Variants in BCCIP observed in about 807,000 individuals in gnomAD.
BCCIP encodes BRCA2 and CDKN1A interacting protein.
BCCIP carries 23 observed loss-of-function variants against 32.8 expected under a neutral mutation model. That is an observed-to-expected ratio of 0.70 (90% CI 0.51 to 0.99). BCCIP has a LOEUF of 0.99. BCCIP is among the 50% of genes least tolerant of loss of function. The probability of loss-of-function intolerance (pLI) is 0.00; values close to 1 mark genes in which losing one functional copy is unlikely to be tolerated. For synonymous variants in BCCIP, 144 were observed against 137.6 expected, an observed-to-expected ratio of 1.05 and a Z score of -0.33; for missense variants, 378 against 379.8, an observed-to-expected ratio of 1.00 and a Z score of 0.04.
downstream of BCCIP, chr10:125,838,897 T>A (rs1854783091): frequency 1.6e-6 from 2 of 1,289,398 alleles, no homozygotes; most frequent in Admixed American, 4.7e-5. Context: ...GATTTTTAGT[T>A]TTACTTAATG....
chr10:125,826,431 T>C (rs1032127082), intron 1 of BCCIP, 160 bp from the exon 2 acceptor site: 1 of 1,103,190 alleles, frequency 9.1e-7, no homozygotes, highest in Non-Finnish European at 1.3e-6. Context: ...ACTAGGTTAC[T>C]CTGAGTGTTT....
At chr10:125,853,614 G>A (rs2134046531) in exon 8 of BCCIP, 1 of 228,188 alleles carries the variant, frequency 4.4e-6, no homozygotes, top group East Asian at 1.0e-4. Flanking sequence ...CATAAGAAGA[G>A]ATCAGTTTAA....
chr10:125,836,724 G>A (rs138878584), downstream of BCCIP: 63 of 1,614,162 alleles, frequency 3.9e-5, 1 homozygote, highest in African/African-American at 5.2e-4. Context: ...TTCAGGGCAC[G>A]TCTCACACAT....
chr10:125,852,995 GTTTC>G, intron 7 of BCCIP: 1 of 694,788 alleles, frequency 1.4e-6, no homozygotes, highest in Non-Finnish European at 2.5e-6. Context: ...ATAGTGCCAT[GTTTC>G]TTTATAGTTT....
At chr10:125,843,192 A>C (rs1236494947), downstream of BCCIP, among the ~76,000 whole-genome samples, 1 of 152,220 alleles carries the variant, frequency 6.6e-6, no homozygotes, top group East Asian at 1.9e-4. Flanking sequence ...AGTTCCAGTA[A>C]GTGCAAGGTG....
chr10:125,832,147 T>G (rs541495531), intron 5 of BCCIP, among the ~76,000 whole-genome samples: 12 of 152,320 alleles, frequency 7.9e-5, no homozygotes, highest in African/African-American at 2.6e-4. Flanking sequence ...TTGTCTGTGC[T>G]TTGCAACAGA....
downstream of BCCIP, chr10:125,840,739 T>C (rs933339988): frequency 5.5e-6 from 7 of 1,275,066 alleles, no homozygotes; most frequent in African/African-American, 1.5e-5. Context: ...TGCATTCAAG[T>C]GGCCAGTAGG....
downstream of BCCIP, among the ~76,000 whole-genome samples, chr10:125,845,685 C>A (rs1431101922): frequency 6.6e-6 from 1 of 152,208 alleles, no homozygotes; most frequent in Non-Finnish European, 1.5e-5. Context: ...GATAGAGTGG[C>A]CTCCATGGTA....
exon 7 of BCCIP, chr10:125,841,817 A>G (rs1328437960): frequency 6.2e-7 from 1 of 1,613,856 alleles, no homozygotes; most frequent in East Asian, 2.2e-5. Context: ...AGACTTCGAG[A>G]GTTGTGGATC....
Position 125,831,459 on chromosome 10 carries a change from C to A in BCCIP, c.451C>A (p.Arg151Ser), listed in dbSNP as rs145046178. The A allele has an allele frequency of 1.2e-6, 2 of 1,614,102 alleles. No individual in the cohort carries two copies. Among genetic ancestry groups the A allele is most frequent in the South Asian group, 2.2e-5 (2 of 91,084 alleles). The change falls in exon 5 of 7, where the codon CGC becomes AGC. Residue 151 changes from arginine to serine, a missense_variant. Transcript: ENST00000278100. ...TGAACAAATTCAAGAGTTGGTTCTA[C>A]GCTTCTGTGAGAAGAACTGTGAAAA... Reference protein sequence around the residue: ...CVEQIQELVLRFCEKNCEKSM... With the variant: ...CVEQIQELVLSFCEKNCEKSM...
chr10:125,830,739 A>G (rs1157073171), intron 4 of BCCIP, 88 bp downstream of exon 4: 1 of 780,644 alleles, frequency 1.3e-6, no homozygotes, highest in African/African-American at 1.7e-5. Flanking sequence ...CTTTTATGTT[A>G]AACAGTGATA....
In BCCIP at chr10:125,831,487, G is replaced by A. The variant is rs1335944039; in HGVS notation, c.479G>A (p.Ser160Asn). ...TTCTGTGAGAAGAACTGTGAAAAGA[G>A]CATGGTTGAACAGCTGGACAAGTTT... Reference protein sequence around the residue: ...LRFCEKNCEKSMVEQLDKFLN... With the variant: ...LRFCEKNCEKNMVEQLDKFLN... Residue 160 changes from serine (S) to asparagine (N), a missense_variant, in exon 5 of 7, where the codon AGC becomes AAC. By Grantham distance (46) the Ser-to-Asn change is conservative (BLOSUM62 1). Coordinates refer to ENST00000278100, the MANE Select transcript of BCCIP (RefSeq NM_078468.3). 6 of 1,614,200 alleles carry A rather than the reference G, an allele frequency of 3.7e-6. No homozygotes were observed. The South Asian group carries it at 6.6e-5, about 18-fold the overall frequency.
intron 3 of BCCIP, 130 bp from the exon 4 acceptor site, chr10:125,830,432 T>C: frequency 2.0e-6 from 1 of 508,596 alleles, no homozygotes; most frequent in Non-Finnish European, 3.4e-6. Context: ...CTTTCTAAGA[T>C]GGCGGTGGTA....
At chr10:125,839,588 C>G (rs1307060991), downstream of BCCIP, among the ~76,000 whole-genome samples, 2 of 152,182 alleles carry the variant, frequency 1.3e-5, no homozygotes, top group African/African-American at 2.4e-5. Context: ...TCAAACTAGG[C>G]AGGAAAAAGC....
chr10:125,840,877 G>C, downstream of BCCIP: 3 of 1,604,738 alleles, frequency 1.9e-6, no homozygotes, highest in Non-Finnish European at 2.6e-6. Context: ...GTTGTGTCTT[G>C]GTAAGCCTTG....
Position 125,850,211 on chromosome 10 carries a change from C to G in BCCIP, c.851-2914C>G, listed in dbSNP as rs559235667. ...AGGCTGGTCTTGAATTCCTGGCCCTCAAGCAGTTCTCCCACCTCAGCCTCC... is the reference window on the plus strand; with the variant it reads ...AGGCTGGTCTTGAATTCCTGGCCCTGAAGCAGTTCTCCCACCTCAGCCTCC... On this transcript the variant is annotated intron_variant, in intron 7 of 7. Coordinates refer to the BCCIP transcript ENST00000368759. 2.6e-5 allele frequency among the ~76,000 whole-genome samples: 4 copies of G among 151,550 alleles called. No homozygotes were observed. In the South Asian group the frequency reaches 8.4e-4, roughly 32 times the overall value.
At chr10:125,834,960 G>A (rs543040594) in intron 6 of BCCIP, among the ~76,000 whole-genome samples, 55 of 148,782 alleles carry the variant, frequency 3.7e-4, no homozygotes, top group African/African-American at 8.9e-4. Context: ...GTGAAACCCC[G>A]TCTCTACTAA....
chr10:125,853,219 G>T, exon 8 of BCCIP: 1 of 1,611,534 alleles, frequency 6.2e-7, no homozygotes, highest in South Asian at 1.1e-5. Context: ...GAACCTTCAT[G>T]ACTGTTGGAA....
chr10:125,843,223 G>A (rs1175427283), downstream of BCCIP, among the ~76,000 whole-genome samples: 1 of 152,030 alleles, frequency 6.6e-6, no homozygotes, highest in Non-Finnish European at 1.5e-5. Context: ...GAAGACTCTG[G>A]GGCCCTAAGA....
Sources: gnomAD v4.1 joint callset for allele counts (sites outside exome capture counted in the v4.1 genomes callset) on GRCh38, gnomAD v4.1.1 for gene constraint, MANE v1.5 for transcripts, NCBI Gene and HGNC (gene_info 2026-07-23, HGNC 2026-07-21) for gene names.